PGR: variants seen among roughly 807,000 people sequenced by gnomAD.
PGR encodes the protein progesterone receptor, also known as nuclear receptor subfamily 3 group C member 3.
A neutral mutation model predicts 76.1 loss-of-function variants in PGR; 25 were observed. The observed-to-expected ratio is 0.33, with a 90% CI of 0.24 to 0.46. The LOEUF (loss-of-function observed/expected upper bound fraction) is 0.46, where lower values mean the gene tolerates loss of function less well. Ranked by LOEUF, PGR falls within the 20% of genes least tolerant of loss-of-function variation. PGR has a pLI of 1.00. For missense variants in PGR, 1,172 were observed against 1,225.3 expected (o/e 0.96, Z 0.65); for synonymous variants, 579 against 535.0 (o/e 1.08, Z -1.14).
At chr11:101,042,866 C>T (rs1057163895) in intron 6 of PGR, among the ~76,000 whole-genome samples, 4 of 152,106 alleles carry the variant, frequency 2.6e-5, no homozygotes, top group African/African-American at 4.8e-5. Flanking sequence ...AGTGAACACA[C>T]CTTAACTAAA....
chr11:101,107,865 T>TAAAAAAAAAAAAAAAAAAAAAAA lies in PGR; in HGVS notation c.1790-15990_1790-15989insTTTTTTTTTTTTTTTTTTTTTTT, dbSNP rs56355097. ...CCAGTCTTACTTGAAACTGGCTTTG[T>TAAAAAAAAAAAAAAAAAAAAAAA]AAAAAAAAAAAAAAAGAAAGAAAAA... is the stretch of plus-strand genomic sequence containing the variant. On this transcript the variant is annotated intron_variant, in intron 2 of 7. Coordinates refer to ENST00000325455, the MANE Select transcript of PGR (RefSeq NM_000926.4). Among the ~76,000 whole-genome samples the TAAAAAAAAAAAAAAAAAAAAAAA allele has an allele frequency of 7.1e-4, 85 of 119,238 alleles. 5 individuals are homozygous for TAAAAAAAAAAAAAAAAAAAAAAA. The highest frequency in any genetic ancestry group is 2.3e-3 in the African/African-American group (70 of 30,302). 78.2% of individuals were successfully genotyped at this position (119,238 alleles called of 152,430 possible).
chr11:101,101,455 A>G (rs908078516), intron 2 of PGR, among the ~76,000 whole-genome samples: 14 of 152,204 alleles, frequency 9.2e-5, no homozygotes, highest in African/African-American at 3.4e-4. Flanking sequence ...CTCTTGGAAG[A>G]GAGAGAGAAC....
chr11:101,066,783 T>C (rs1860732020), intron 3 of PGR, among the ~76,000 whole-genome samples: 1 of 152,180 alleles, frequency 6.6e-6, no homozygotes, highest in African/African-American at 2.4e-5. Flanking sequence ...ATCTAATACA[T>C]CAGCAAATCC....
At chr11:101,052,543 G>C (rs1860133009) in intron 4 of PGR, among the ~76,000 whole-genome samples, 1 of 152,114 alleles carries the variant, frequency 6.6e-6, no homozygotes, top group Non-Finnish European at 1.5e-5. Context: ...GGCTGGGTCA[G>C]ATCATCCAAG....
intron 2 of PGR, among the ~76,000 whole-genome samples, chr11:101,107,504 C>T (rs996247500): frequency 1.1e-4 from 17 of 152,156 alleles, no homozygotes; most frequent in African/African-American, 3.9e-4. Flanking sequence ...TAAGGAACTA[C>T]ACATTACATG....
chr11:101,079,434 TAATCCCATTTA>T (rs1458130925), intron 3 of PGR, among the ~76,000 whole-genome samples: 1 of 149,476 alleles, frequency 6.7e-6, no homozygotes, highest in Non-Finnish European at 1.5e-5. Context: ...AAAAAAAAAG[TAATCCCATTTA>T]AAAATAGGCA....
At position 101,033,239 on chromosome 11, in the gene PGR, G is replaced by T. The variant is rs1226634441; in HGVS notation, c.*5877C>A. On this transcript the variant is annotated 3_prime_UTR_variant, in exon 8 of 8. Transcript: ENST00000325455. ...TATCCCTAATCATAGCAAATTCAGG[G>T]CTTACTAGTTTAGGCAAATTCTGGA... is the stretch of plus-strand genomic sequence containing the variant. The T allele has an allele frequency of 4.8e-6, 1 of 207,568 alleles. No individual in the cohort carries two copies. Among genetic ancestry groups the T allele is most frequent in the Admixed American group, 5.9e-5 (1 of 16,866 alleles). The allele number at this position is 207,568 out of a possible 1,614,324, so 12.9% of individuals were successfully genotyped here. A position where few individuals can be genotyped will look rare whatever the true frequency, so the allele number is the denominator to read the frequency against.
At chr11:101,125,520 CAA>C (rs1352555941) in intron 2 of PGR, among the ~76,000 whole-genome samples, 16 of 152,210 alleles carry the variant, frequency 1.1e-4, no homozygotes, top group Admixed American at 9.8e-4. Context: ...TTCATGTAGT[CAA>C]AAGACAGTAT....
chr11:101,124,582 A>C (rs1862781908), intron 2 of PGR, among the ~76,000 whole-genome samples: 1 of 152,192 alleles, frequency 6.6e-6, no homozygotes, highest in Non-Finnish European at 1.5e-5. Flanking sequence ...TTCACTTATA[A>C]AATTATACTA....
Position 101,128,435 on chromosome 11 carries a change from C to T in PGR, c.636G>A (p.Pro212=). The part of the protein sequence containing the change: ...SPHWSGAPVK[P]SPQAAAVEVE... ...CCTCCACCGCAGCGGCCTGCGGAGA[C>T]GGCTTCACTGGGGCCCCGGACCAGT... Residue 212 remains proline (P), a synonymous_variant, in exon 1 of 8, where the codon CCG becomes CCA. Coordinates refer to ENST00000325455, the MANE Select transcript of PGR (RefSeq NM_000926.4). 1 of 1,610,636 alleles carries T rather than the reference C, an allele frequency of 6.2e-7. No individual in the cohort carries two copies. Among genetic ancestry groups the T allele is most frequent in the Non-Finnish European group, 8.5e-7 (1 of 1,179,812 alleles).
chr11:101,112,943 TTAGCCAAGTTCC>T (rs1862385269), intron 2 of PGR, among the ~76,000 whole-genome samples: 1 of 152,268 alleles, frequency 6.6e-6, no homozygotes, highest in African/African-American at 2.4e-5. Context: ...TATAACACAT[TTAGCCAAGTTCC>T]TGACATATGT....
At chr11:101,070,277 A>G (rs1224709642) in intron 3 of PGR, among the ~76,000 whole-genome samples, 1 of 152,162 alleles carries the variant, frequency 6.6e-6, no homozygotes, top group East Asian at 1.9e-4. Context: ...GCTGTAAGGA[A>G]CAATGTGTTC....
chr11:101,039,005 A>AT lies in PGR; in HGVS notation c.*110dup. ...TTTTAAATTTACACACTATGATGTTATAAATGTAAGGCTTTCAGAAGAACA... is the reference window on the plus strand; with the variant it reads ...TTTTAAATTTACACACTATGATGTTATTAAATGTAAGGCTTTCAGAAGAACA... On this transcript the variant is annotated 3_prime_UTR_variant, in exon 8 of 8. Coordinates refer to ENST00000325455, the MANE Select transcript of PGR (RefSeq NM_000926.4). 1.3e-6 allele frequency: 1 copy of AT among 754,356 alleles called. No homozygotes were observed. Among genetic ancestry groups the AT allele is most frequent in the Non-Finnish European group, 2.2e-6 (1 of 450,718 alleles). The allele number at this position is 754,356 out of a possible 1,614,324, so 46.7% of individuals were successfully genotyped here.
intron 3 of PGR, among the ~76,000 whole-genome samples, chr11:101,077,629 C>T (rs192888655): frequency 2.0e-4 from 31 of 152,096 alleles, no homozygotes; most frequent in African/African-American, 6.3e-4. Flanking sequence ...GTTGGCAAAC[C>T]ATAAAAGACA....
intron 3 of PGR, among the ~76,000 whole-genome samples, chr11:101,079,648 G>A (rs763773167): frequency 3.1e-4 from 47 of 152,216 alleles, no homozygotes; most frequent in Admixed American, 5.9e-4. Flanking sequence ...AGAAATTCTC[G>A]TACACTGTTG....
At chr11:101,123,723 T>G (rs1862751180) in intron 2 of PGR, among the ~76,000 whole-genome samples, 3 of 152,216 alleles carry the variant, frequency 2.0e-5, no homozygotes, top group Admixed American at 2.0e-4. Context: ...ATATACATAT[T>G]TCAACCCATA....
At chr11:101,073,888 A>G (rs1310155537) in intron 3 of PGR, among the ~76,000 whole-genome samples, 1 of 152,186 alleles carries the variant, frequency 6.6e-6, no homozygotes, top group African/African-American at 2.4e-5. Flanking sequence ...TCATAGCTGA[A>G]TTCTACCAGA....
intron 7 of PGR, chr11:101,041,575 A>C: frequency 5.0e-6 from 1 of 201,774 alleles, no homozygotes; most frequent in East Asian, 1.3e-4. Context: ...AATGTTATTT[A>C]TAATTCCACT....
Position 101,091,644 on chromosome 11 carries a change from A to G in PGR, c.1906+116T>C, listed in dbSNP as rs1861677361. ...ACTCACATGTGCAGAGTCACTGCCA[A>G]TAATCAAGACAGAAAAAACAAAAAC... On this transcript the variant is annotated intron_variant, in intron 3 of 7. Coordinates refer to ENST00000325455, the MANE Select transcript of PGR (RefSeq NM_000926.4). The G allele has an allele frequency of 5.6e-6, 4 of 715,098 alleles. No homozygotes were observed. The Admixed American group carries it at 7.7e-5, about 14-fold the overall frequency. The allele number at this position is 715,098 out of a possible 1,614,324, so 44.3% of individuals were successfully genotyped here. A position where few individuals can be genotyped will look rare whatever the true frequency, so the allele number is the denominator to read the frequency against.
Sources: allele counts gnomAD v4.1 joint callset (sites outside exome capture counted in the v4.1 genomes callset), GRCh38; gene constraint gnomAD v4.1.1; transcripts MANE v1.5; gene names NCBI Gene and HGNC (gene_info 2026-07-23, HGNC 2026-07-21).